The following CNTN5 variants were observed in gnomAD, a reference collection of about 807,000 sequenced individuals.
The protein encoded by CNTN5 is contactin 5.
A neutral mutation model predicts 129.1 loss-of-function variants in CNTN5; 77 were observed. The ratio of observed to expected loss-of-function variants is 0.60; its 90% CI spans 0.50 to 0.72. The LOEUF is 0.72. Ranked by LOEUF, CNTN5 falls within the 30% of genes least tolerant of loss-of-function variation. The pLI is 0.00. For synonymous variants in CNTN5, 509 were observed against 465.6 expected (o/e 1.09, Z -1.20); for missense variants, 1,478 against 1,328.8 (o/e 1.11, Z -1.75).
chr11:99,449,972 G>A lies in CNTN5; in HGVS notation c.-70-106173G>A, dbSNP rs541273876. ...ATTTTTAAAATAACAATTCTGGAAG[G>A]GACAGTAAAAACCCTTAATATTTTT... On this transcript the variant is annotated intron_variant, in intron 2 of 24. Transcript: ENST00000524871. Among the ~76,000 whole-genome samples the A allele has an allele frequency of 2.9e-4, 44 of 152,002 alleles. No homozygotes were observed. The South Asian group carries it at 6.5e-3, about 22-fold the overall frequency.
intron 1 of CNTN5, among the ~76,000 whole-genome samples, chr11:99,157,579 T>C (rs1352330980): frequency 6.6e-6 from 1 of 152,080 alleles, no homozygotes; most frequent in Non-Finnish European, 1.5e-5. Context: ...TTAAAAACAA[T>C]GTTTTGGTAA....
At chr11:99,395,074 G>A (rs1240901396) in intron 2 of CNTN5, among the ~76,000 whole-genome samples, 1 of 151,766 alleles carries the variant, frequency 6.6e-6, no homozygotes, top group Non-Finnish European at 1.5e-5. Flanking sequence ...GGATTGCTGG[G>A]TAGAATGGTA....
chr11:99,448,770 A>ATTTTATTTTG (rs1276466704), intron 2 of CNTN5, among the ~76,000 whole-genome samples: 1 of 147,620 alleles, frequency 6.8e-6, no homozygotes, highest in African/African-American at 2.5e-5. Context: ...ATTTTATTTT[A>ATTTTATTTTG]TTTTATTTTA....
intron 23 of CNTN5, 31 bp downstream of exon 23, chr11:100,341,236 A>G (rs202182329): frequency 2.8e-6 from 4 of 1,446,104 alleles, no homozygotes; most frequent in African/African-American, 1.4e-5. Context: ...TTGCATAGAT[A>G]CTCATCTCCG....
At chr11:99,615,029 A>G (rs1950717286) in intron 3 of CNTN5, among the ~76,000 whole-genome samples, 1 of 148,792 alleles carries the variant, frequency 6.7e-6, no homozygotes, top group Non-Finnish European at 1.5e-5. Flanking sequence ...TTTATTATAT[A>G]TACCTATTAT....
chr11:100,186,596 T>C (rs1948307773), intron 13 of CNTN5, among the ~76,000 whole-genome samples: 1 of 152,082 alleles, frequency 6.6e-6, no homozygotes, highest in African/African-American at 2.4e-5. Flanking sequence ...TAGAAACTTA[T>C]GGAGAAGTCT....
At chr11:99,679,930 G>A (rs1233111067) in intron 3 of CNTN5, among the ~76,000 whole-genome samples, 1 of 152,190 alleles carries the variant, frequency 6.6e-6, no homozygotes, top group Admixed American at 6.5e-5. Flanking sequence ...CATTCCTGAT[G>A]TAGAGACAGT....
chr11:99,034,819 ATG>A (rs1419242443), intron 1 of CNTN5, among the ~76,000 whole-genome samples: 1,788 of 150,970 alleles, frequency 0.012, 21 homozygotes, highest in African/African-American at 0.041. Flanking sequence ...TAGCTTTTGA[ATG>A]TGTTTGCTCT....
chr11:99,641,530 G>A (rs1951770545), intron 3 of CNTN5, among the ~76,000 whole-genome samples: 1 of 152,098 alleles, frequency 6.6e-6, no homozygotes, highest in African/African-American at 2.4e-5. Context: ...GTTCACGGGT[G>A]GAGAAATGGC....
At chr11:99,803,833 G>A (rs1946188266) in intron 3 of CNTN5, among the ~76,000 whole-genome samples, 1 of 152,152 alleles carries the variant, frequency 6.6e-6, no homozygotes, top group African/African-American at 2.4e-5. Context: ...CCTGAGATCT[G>A]AGTTGTCCTT....
At chr11:99,979,762 G>A (rs1213966129) in intron 8 of CNTN5, among the ~76,000 whole-genome samples, 1 of 152,100 alleles carries the variant, frequency 6.6e-6, no homozygotes, top group Admixed American at 6.6e-5. Context: ...ATATTCTGTA[G>A]AAAAATGTCT....
At chr11:99,925,021 A>C (rs1950028916) in intron 7 of CNTN5, among the ~76,000 whole-genome samples, 1 of 152,144 alleles carries the variant, frequency 6.6e-6, no homozygotes, top group Non-Finnish European at 1.5e-5. Context: ...AGCTCAGAAA[A>C]CTGGATATAA....
intron 9 of CNTN5, among the ~76,000 whole-genome samples, chr11:100,031,404 A>G (rs1206541392): frequency 1.3e-5 from 2 of 152,126 alleles, no homozygotes; most frequent in South Asian, 2.1e-4. Context: ...TTCCTGTCCC[A>G]GAAAAGCAGA....
intron 3 of CNTN5, among the ~76,000 whole-genome samples, chr11:99,809,369 T>C (rs1335062331): frequency 6.6e-6 from 1 of 152,186 alleles, no homozygotes; most frequent in African/African-American, 2.4e-5. Flanking sequence ...TTATAAGAAC[T>C]CCTTGAAGGC....
chr11:99,066,906 C>A (rs60262181), intron 1 of CNTN5, among the ~76,000 whole-genome samples: 4,042 of 152,152 alleles, frequency 0.027, 146 homozygotes, highest in African/African-American at 0.077. Context: ...TCTCACTGGC[C>A]CCACTAAATT....
chr11:99,900,218 T>C (rs1949318842), intron 6 of CNTN5, among the ~76,000 whole-genome samples: 2 of 151,864 alleles, frequency 1.3e-5, no homozygotes, highest in Non-Finnish European at 1.5e-5. Context: ...CTCATTTAGT[T>C]CTGCTGTAAT....
At chr11:99,552,418 T>C (rs1209289877) in intron 2 of CNTN5, among the ~76,000 whole-genome samples, 2 of 152,080 alleles carry the variant, frequency 1.3e-5, no homozygotes, top group South Asian at 2.1e-4. Context: ...ATAACTAAGA[T>C]GTAAATAGAC....
chr11:99,137,829 TG>T (rs10714180), intron 1 of CNTN5, among the ~76,000 whole-genome samples: 136,794 of 152,050 alleles, frequency 0.9, 61,739 homozygotes, highest in East Asian at 0.99. Context: ...ATGGTGATTA[TG>T]TGAGCAGATT....
intron 23 of CNTN5, among the ~76,000 whole-genome samples, chr11:100,350,191 T>A (rs1463249136): frequency 1.3e-5 from 2 of 151,836 alleles, no homozygotes; most frequent in Non-Finnish European, 2.9e-5. Flanking sequence ...AAATTTTGTT[T>A]ACTCCTTTCA....
Sources: gnomAD v4.1 joint callset for allele counts (sites outside exome capture counted in the v4.1 genomes callset) on GRCh38, gnomAD v4.1.1 for gene constraint, MANE v1.5 for transcripts, NCBI Gene and HGNC (gene_info 2026-07-23, HGNC 2026-07-21) for gene names.